The following FAM167A variants were observed in gnomAD, a reference collection of about 807,000 sequenced individuals.
The protein encoded by FAM167A is protein FAM167A.
In FAM167A, 23 loss-of-function variants were observed where a neutral mutation model predicts 14.9. The observed-to-expected ratio is 1.55, with a 90% CI of 1.11 to 2.19. The LOEUF (loss-of-function observed/expected upper bound fraction) is 2.19. Among genes scored for constraint, FAM167A ranks in the 30% most tolerant of loss-of-function variants. FAM167A has a pLI of 0.00. For synonymous variants in FAM167A, 174 were observed against 117.7 expected, an observed-to-expected ratio of 1.48 and a Z score of -3.10; for missense variants, 401 against 281.5, an observed-to-expected ratio of 1.42 and a Z score of -3.04.
intron 1 of FAM167A, among the ~76,000 whole-genome samples, chr8:11,464,917 G>A (rs185183152): frequency 2.6e-5 from 4 of 152,190 alleles, no homozygotes; most frequent in Non-Finnish European, 5.9e-5. Context: ...CCTCCTGGAG[G>A]GGGGCCAAGC....
At chr8:11,466,363 C>T (rs1807766385) in intron 1 of FAM167A, among the ~76,000 whole-genome samples, 2 of 152,370 alleles carry the variant, frequency 1.3e-5, no homozygotes, top group African/African-American at 4.8e-5. Context: ...CCGGACACGG[C>T]CAGCAGGGAG....
chr8:11,471,268 G>A (rs529305880), upstream of FAM167A, among the ~76,000 whole-genome samples: 8 of 152,336 alleles, frequency 5.3e-5, no homozygotes, highest in African/African-American at 1.9e-4. Flanking sequence ...AGCGGCCGAG[G>A]TGAGGAGTGG....
rs1056367315 is a variant in FAM167A at position 11,444,700 on chromosome 8, G to A, written c.-289C>T. On this transcript the variant is annotated 5_prime_UTR_variant, in exon 2 of 3. Coordinates refer to ENST00000284486, the MANE Select transcript of FAM167A (RefSeq NM_053279.3). ...GAACAGACAGCGTCGCAGGAATCTC[G>A]GGGCAGCCTGTGCCAAGGTCTATCT... 24 of 1,203,428 alleles carry A rather than the reference G, an allele frequency of 2.0e-5. No individual in the cohort carries two copies. Among genetic ancestry groups the A allele is most frequent in the Admixed American group, 4.1e-5 (1 of 24,416 alleles). The allele number at this position is 1,203,428 out of a possible 1,614,324, so 74.5% of individuals were successfully genotyped here.
intron 2 of FAM167A, among the ~76,000 whole-genome samples, chr8:11,436,471 C>T (rs1286712835): frequency 1.3e-5 from 2 of 152,196 alleles, no homozygotes; most frequent in Non-Finnish European, 1.5e-5. Flanking sequence ...TCCCTCACCT[C>T]TGTGAGCTCG....
upstream of FAM167A, among the ~76,000 whole-genome samples, chr8:11,468,546 G>A (rs1300759195): frequency 6.6e-6 from 1 of 152,362 alleles, no homozygotes; most frequent in South Asian, 2.1e-4. Flanking sequence ...GCAAGCAGGA[G>A]CCTCAATCTG....
intron 2 of FAM167A, among the ~76,000 whole-genome samples, chr8:11,428,612 C>T (rs1805352501): frequency 6.6e-6 from 1 of 152,210 alleles, no homozygotes; most frequent in African/African-American, 2.4e-5. Flanking sequence ...GCGTGAGCAT[C>T]TCGCTAGGAT....
intron 1 of FAM167A, among the ~76,000 whole-genome samples, chr8:11,452,269 G>A (rs930874915): frequency 1.3e-5 from 2 of 152,216 alleles, no homozygotes; most frequent in African/African-American, 4.8e-5. Context: ...TTTCGCATAT[G>A]AGTGAATTTA....
chr8:11,475,388 C>T (rs1197326623), intron 1 of FAM167A, among the ~76,000 whole-genome samples: 1 of 152,138 alleles, frequency 6.6e-6, no homozygotes, highest in African/African-American at 2.4e-5. Flanking sequence ...AGAGTGTCTG[C>T]ATAAAAGCCT....
intron 1 of FAM167A, among the ~76,000 whole-genome samples, chr8:11,475,562 C>A (rs539159108): frequency 6.6e-6 from 1 of 152,178 alleles, no homozygotes; most frequent in East Asian, 1.9e-4. Flanking sequence ...ACCTTTTACA[C>A]ATCATACTCC....
At position 11,424,376 on chromosome 8, in the gene FAM167A, G is replaced by A. The variant is rs1804979808; in HGVS notation, c.642C>T (p.Cys214=). ...CTCCGCCCAGTCTGAGGGCTCCTCAGCAGAGAGAGAACCTCCGAGAGTTGA... is the reference window on the plus strand; with the variant it reads ...CTCCGCCCAGTCTGAGGGCTCCTCAACAGAGAGAGAACCTCCGAGAGTTGA... ...MNINSRRFSL[C] The change falls in exon 3 of 3, where the codon TGC becomes TGT. Residue 214 remains cysteine (C), a synonymous_variant. Transcript: ENST00000284486. The A allele has an allele frequency of 1.9e-6, 3 of 1,613,940 alleles. No individual in the cohort carries two copies. The highest frequency in any genetic ancestry group is 2.2e-5 in the East Asian group (1 of 44,902).
chr8:11,421,580 A>G lies in FAM167A; in HGVS notation c.*2793T>C, dbSNP rs1231994683. 1 of 397,782 alleles carries G rather than the reference A, an allele frequency of 2.5e-6. No homozygotes were observed. The highest frequency in any genetic ancestry group is 4.4e-6 in the Non-Finnish European group (1 of 225,886). 24.6% of individuals were successfully genotyped at this position (397,782 alleles called of 1,614,324 possible). On this transcript the variant is annotated 3_prime_UTR_variant, in exon 3 of 3. Transcript: ENST00000284486. Reference sequence around the variant, plus strand: ...TAAAAAATAAAAGTATAAATCGTCCATTGATTATGTAATAGCACTTGGTAT... The same window carrying G: ...TAAAAAATAAAAGTATAAATCGTCCGTTGATTATGTAATAGCACTTGGTAT...
At chr8:11,449,748 C>A (rs1439930677) in intron 1 of FAM167A, among the ~76,000 whole-genome samples, 2 of 152,208 alleles carry the variant, frequency 1.3e-5, no homozygotes. Context: ...ATGCCACACA[C>A]AGAGACTGCT....
intron 1 of FAM167A, chr8:11,445,663 GAC>G: frequency 1.0e-6 from 1 of 965,408 alleles, no homozygotes; most frequent in Non-Finnish European, 1.2e-6. Context: ...CATAACATCA[GAC>G]ACAGGGTAGA....
At chr8:11,431,674 G>C (rs183002310) in intron 2 of FAM167A, among the ~76,000 whole-genome samples, 1 of 152,100 alleles carries the variant, frequency 6.6e-6, no homozygotes, top group East Asian at 1.9e-4. Flanking sequence ...TGGGCAAATA[G>C]AGATGGCCGG....
chr8:11,446,479 T>C (rs2409767), intron 1 of FAM167A: 68,239 of 151,994 alleles, frequency 0.45, 15,628 homozygotes, highest in East Asian at 0.67. Flanking sequence ...AGATGGGACT[T>C]AGACAGCAGT....
At chr8:11,426,304 T>G (rs1805141614) in intron 2 of FAM167A, among the ~76,000 whole-genome samples, 3 of 152,284 alleles carry the variant, frequency 2.0e-5, no homozygotes, top group Middle Eastern at 6.8e-3. Context: ...AACTCCTGTC[T>G]CTCTGAAATG....
chr8:11,444,633 C>G lies in FAM167A; in HGVS notation c.-222G>C. On this transcript the variant is annotated 5_prime_UTR_variant, in exon 2 of 3. Transcript: ENST00000284486. ...CCTCCTGGAGGCTCGGGTCTATGAT[C>G]CGTCCTGGAAGCCTGTGGGTGCCAT... 2 of 1,356,832 alleles carry G rather than the reference C, an allele frequency of 1.5e-6. No homozygotes were observed. The highest frequency in any genetic ancestry group is 1.9e-6 in the Non-Finnish European group (2 of 1,060,100). 84.0% of individuals were successfully genotyped at this position (1,356,832 alleles called of 1,614,324 possible).
chr8:11,432,462 A>G (rs964133320), intron 2 of FAM167A, among the ~76,000 whole-genome samples: 1 of 152,168 alleles, frequency 6.6e-6, no homozygotes, highest in African/African-American at 2.4e-5. Flanking sequence ...ACAGACAAAT[A>G]AAAAACACTC....
At position 11,444,092 on chromosome 8, in the gene FAM167A, G is replaced by T; in HGVS notation, c.320C>A (p.Thr107Asn). 1 of 1,613,444 alleles carries T rather than the reference G, an allele frequency of 6.2e-7. No homozygotes were observed. Among genetic ancestry groups the T allele is most frequent in the Non-Finnish European group, 8.5e-7 (1 of 1,179,960 alleles). The change falls in exon 2 of 3, where the codon ACT (threonine) becomes AAT (asparagine). Residue 107 changes from threonine (T) to asparagine (N), a missense_variant. Physicochemically the swap from Thr to Asn is moderately conservative, Grantham distance 65. Coordinates refer to ENST00000284486, the MANE Select transcript of FAM167A (RefSeq NM_053279.3). ...GCTCTGAAAGCCTTCCAGCTTGCCA[G>T]TGGACAGGGGTCTGGCACCTTGGCT... ...SASQGARPLS[T>N]GKLEGFQSID...
Sources: allele counts gnomAD v4.1 joint callset (sites outside exome capture counted in the v4.1 genomes callset), GRCh38; gene constraint gnomAD v4.1.1; transcripts MANE v1.5; gene names NCBI Gene and HGNC (gene_info 2026-07-23, HGNC 2026-07-21).